The following FMN1 variants were observed in gnomAD, a reference collection of about 807,000 sequenced individuals.
FMN1 encodes the protein formin-1.
In FMN1, 110 loss-of-function variants were observed where a neutral mutation model predicts 132.4. That is an observed-to-expected ratio of 0.83 (90% CI 0.71 to 0.97). The LOEUF is 0.97. Ranked by LOEUF, FMN1 falls within the 50% of genes least tolerant of loss-of-function variation. The pLI is 0.00. For missense variants in FMN1, 1,792 were observed against 1,705.3 expected (o/e 1.05, Z -0.90); for synonymous variants, 722 against 651.7 (o/e 1.11, Z -1.64).
At chr15:32,785,219 T>TATATA (rs1491354596) in intron 19 of FMN1, among the ~76,000 whole-genome samples, 41 of 12,178 alleles carry the variant, frequency 3.4e-3, no homozygotes, top group African/African-American at 5.0e-3. Context: ...TATATATATA[T>TATATA]TTTTTTTTTT....
chr15:32,824,046 G>A (rs541011934), intron 17 of FMN1, among the ~76,000 whole-genome samples: 2 of 152,326 alleles, frequency 1.3e-5, no homozygotes, highest in South Asian at 4.1e-4. Context: ...CTGAAGTGCT[G>A]GAAGCCACAC....
chr15:32,925,134 A>G (rs576804411), intron 10 of FMN1, among the ~76,000 whole-genome samples: 99 of 152,328 alleles, frequency 6.5e-4, no homozygotes, highest in African/African-American at 1.9e-3. Context: ...CCAAATAGAA[A>G]TAACAACATT....
At chr15:33,061,643 A>G (rs1403836500) in intron 6 of FMN1, among the ~76,000 whole-genome samples, 1 of 152,116 alleles carries the variant, frequency 6.6e-6, no homozygotes, top group Non-Finnish European at 1.5e-5. Flanking sequence ...AAACATTTTT[A>G]AAAGTATGCA....
chr15:32,827,033 G>A (rs574772983), intron 17 of FMN1, among the ~76,000 whole-genome samples: 7 of 152,308 alleles, frequency 4.6e-5, no homozygotes, highest in African/African-American at 1.2e-4. Context: ...CTGTTGCCAC[G>A]TCTCCATTAG....
At chr15:32,842,444 A>C (rs1213244547) in intron 17 of FMN1, among the ~76,000 whole-genome samples, 3 of 152,256 alleles carry the variant, frequency 2.0e-5, no homozygotes, top group African/African-American at 7.2e-5. Flanking sequence ...AGAGATAGGC[A>C]TACATTGTTG....
chr15:33,138,581 C>G (rs1963872928), intron 4 of FMN1, among the ~76,000 whole-genome samples: 1 of 152,088 alleles, frequency 6.6e-6, no homozygotes, highest in South Asian at 2.1e-4. Context: ...TCATGGGTTA[C>G]TAGATAACCT....
At chr15:32,879,760 C>A (rs370893013) in intron 16 of FMN1, among the ~76,000 whole-genome samples, 1 of 152,100 alleles carries the variant, frequency 6.6e-6, no homozygotes. Context: ...TTTAAACTTA[C>A]ATCTCCTAAA....
At chr15:33,084,051 C>A (rs1304706865) in intron 5 of FMN1, among the ~76,000 whole-genome samples, 1 of 152,176 alleles carries the variant, frequency 6.6e-6, no homozygotes, top group Non-Finnish European at 1.5e-5. Flanking sequence ...AAATCCCTGC[C>A]CCTTTCCTGG....
chr15:33,187,817 G>A (rs920711270), intron 2 of FMN1, among the ~76,000 whole-genome samples: 3 of 152,180 alleles, frequency 2.0e-5, no homozygotes, highest in African/African-American at 4.8e-5. Flanking sequence ...GAAAAGGCTT[G>A]AAATAGAAAT....
intron 9 of FMN1, among the ~76,000 whole-genome samples, chr15:32,934,786 T>A (rs1323968386): frequency 1.3e-5 from 2 of 151,976 alleles, no homozygotes; most frequent in East Asian, 3.9e-4. Context: ...TTTGTATTTT[T>A]AATATAGGTG....
At chr15:33,098,235 T>C (rs150141338) in intron 4 of FMN1, among the ~76,000 whole-genome samples, 1 of 152,344 alleles carries the variant, frequency 6.6e-6, no homozygotes, top group East Asian at 1.9e-4. Flanking sequence ...CTGATAGCCT[T>C]ACTTCATGCT....
At chr15:32,877,883 C>A (rs2059674958) in intron 16 of FMN1, among the ~76,000 whole-genome samples, 2 of 146,770 alleles carry the variant, frequency 1.4e-5, no homozygotes. Context: ...TTCATTCACC[C>A]ATTTACCAAA....
chr15:33,190,538 G>A (rs1966037945), intron 2 of FMN1, among the ~76,000 whole-genome samples: 1 of 152,136 alleles, frequency 6.6e-6, no homozygotes, highest in Non-Finnish European at 1.5e-5. Flanking sequence ...AGGCCTAGAT[G>A]AATGTGGATA....
At chr15:33,006,156 G>T (rs1403827090) in intron 7 of FMN1, among the ~76,000 whole-genome samples, 1 of 151,862 alleles carries the variant, frequency 6.6e-6, no homozygotes, top group Non-Finnish European at 1.5e-5. Flanking sequence ...TCTGATAAGG[G>T]GTTAATATAC....
chr15:33,147,377 A>C (rs1964269521), intron 4 of FMN1, among the ~76,000 whole-genome samples: 1 of 152,212 alleles, frequency 6.6e-6, no homozygotes, highest in South Asian at 2.1e-4. Flanking sequence ...TATTTATTTT[A>C]AAAATAGTTT....
rs756145729 is a variant in FMN1 at position 32,888,258 on chromosome 15, G to A, written c.3749C>T (p.Pro1250Leu). The A allele has an allele frequency of 1.7e-5, 27 of 1,612,458 alleles. No homozygotes were observed. The highest frequency in any genetic ancestry group is 2.2e-5 in the East Asian group (1 of 44,852). ...AGTEKSVFPL[P>L]EPQDFFLASQ... ...GGCCAGAAAGAAATCCTGTGGTTCC[G>A]GCAAGGGGAAAACACTCTTTTCTGT... is the stretch of plus-strand genomic sequence containing the variant. The change falls in exon 16 of 21, where the codon CCG (proline) becomes CTG (leucine). Residue 1250 changes from proline to leucine, a missense_variant. By Grantham distance (98) the Pro-to-Leu change is moderately conservative (BLOSUM62 -3). Transcript: ENST00000616417.
chr15:33,138,497 T>C (rs956179874), intron 4 of FMN1, among the ~76,000 whole-genome samples: 3 of 152,148 alleles, frequency 2.0e-5, no homozygotes, highest in Non-Finnish European at 2.9e-5. Context: ...AGCGAGATAC[T>C]GCCACCTTCC....
chr15:32,997,204 C>G (rs1346561205), intron 7 of FMN1, among the ~76,000 whole-genome samples: 1 of 152,192 alleles, frequency 6.6e-6, no homozygotes, highest in Non-Finnish European at 1.5e-5. Flanking sequence ...AATTTCCCAC[C>G]TGCTCCTTTC....
chr15:32,947,583 T>C (rs936762289), intron 9 of FMN1, among the ~76,000 whole-genome samples: 2 of 152,088 alleles, frequency 1.3e-5, no homozygotes, highest in Non-Finnish European at 2.9e-5. Flanking sequence ...GAAATGACTT[T>C]GAAACTAGAA....
Sources: allele counts gnomAD v4.1 joint callset (sites outside exome capture counted in the v4.1 genomes callset), GRCh38; gene constraint gnomAD v4.1.1; transcripts MANE v1.5; gene names NCBI Gene and HGNC (gene_info 2026-07-23, HGNC 2026-07-21).